PARP16: variants seen among roughly 807,000 people sequenced by gnomAD.
PARP16 encodes the protein poly(ADP-ribose) polymerase family member 16, also known as protein mono-ADP-ribosyltransferase PARP16.
A neutral mutation model predicts 35.0 loss-of-function variants in PARP16; 31 were observed. That is an observed-to-expected ratio of 0.88 (90% CI 0.66 to 1.19). The LOEUF (loss-of-function observed/expected upper bound fraction) is 1.19. Among genes scored for constraint, PARP16 ranks in the 50% most tolerant of loss-of-function variants. The pLI is 0.00. For missense variants in PARP16, 424 were observed against 411.2 expected (o/e 1.03, Z -0.27); for synonymous variants, 162 against 169.5 (o/e 0.96, Z 0.34).
intron 5 of PARP16, 65 bp downstream of exon 5, chr15:65,260,820 T>C: frequency 6.7e-7 from 1 of 1,501,964 alleles, no homozygotes; most frequent in Non-Finnish European, 9.2e-7. Flanking sequence ...GGGAGGCTGA[T>C]ACCTACAACA....
At chr15:65,251,529 C>T (rs542178070) in intron 2 of PARP16, among the ~76,000 whole-genome samples, 23 of 150,974 alleles carry the variant, frequency 1.5e-4, no homozygotes, top group African/African-American at 5.3e-4. Flanking sequence ...TGGCATCAGT[C>T]TGAGACTTTG....
intron 1 of PARP16, chr15:65,285,436 GC>G: frequency 3.4e-6 from 1 of 295,316 alleles, no homozygotes; most frequent in African/African-American, 2.2e-5. Context: ...ACCGAGCCTG[GC>G]CCCTCCAAGT....
At chr15:65,273,403 C>T (rs1354485796) in intron 1 of PARP16, among the ~76,000 whole-genome samples, 1 of 151,678 alleles carries the variant, frequency 6.6e-6, no homozygotes, top group African/African-American at 2.4e-5. Flanking sequence ...GGTGTGGGGG[C>T]TCATGCCTAT....
chr15:65,286,108 C>A, intron 1 of PARP16, 145 bp downstream of exon 1: 1 of 645,652 alleles, frequency 1.5e-6, no homozygotes, highest in East Asian at 3.3e-5. Context: ...GGAAACCTTC[C>A]CCAAGGCAAG....
downstream of PARP16, among the ~76,000 whole-genome samples, chr15:65,233,094 T>C (rs2088799652): frequency 6.6e-6 from 1 of 152,230 alleles, no homozygotes; most frequent in Non-Finnish European, 1.5e-5. Flanking sequence ...AGTATTGTGC[T>C]TATAGTTAAT....
At chr15:65,262,306 A>T (rs571889247) in intron 4 of PARP16, among the ~76,000 whole-genome samples, 3 of 152,026 alleles carry the variant, frequency 2.0e-5, no homozygotes, top group African/African-American at 7.2e-5. Flanking sequence ...CTCATTTTTT[A>T]ATTTTAGTAG....
rs1221581700 is a variant in PARP16, at chr15:65,286,341, G to A, written c.86C>T (p.Ser29Leu). The A allele has an allele frequency of 5.0e-6, 8 of 1,600,048 alleles. No homozygotes were observed. Among genetic ancestry groups the A allele is most frequent in the African/African-American group, 1.4e-5 (1 of 73,652 alleles). The change falls in exon 1 of 6, where the codon TCG becomes TTG. Residue 29 changes from serine to leucine, a missense_variant. By Grantham distance (145) the Ser-to-Leu change is moderately radical. Transcript: ENST00000649807. ...GTCGCGCTTGTAGCTCTGCAGGGCCGAGGCGAAGAGGCTGCACCGGAGGTC... is the reference window on the plus strand; with the variant it reads ...GTCGCGCTTGTAGCTCTGCAGGGCCAAGGCGAAGAGGCTGCACCGGAGGTC... ...AADLRCSLFA[S>L]ALQSYKRDSV...
chr15:65,236,593 G>A (rs1330374844), intron 3 of PARP16, among the ~76,000 whole-genome samples: 1 of 152,252 alleles, frequency 6.6e-6, no homozygotes, highest in Non-Finnish European at 1.5e-5. Flanking sequence ...GGGACAGGAA[G>A]TATGAAACAA....
At chr15:65,235,691 C>T (rs2088860272) in intron 3 of PARP16, among the ~76,000 whole-genome samples, 1 of 150,868 alleles carries the variant, frequency 6.6e-6, no homozygotes, top group African/African-American at 2.4e-5. Flanking sequence ...TGCCTGTAGT[C>T]CCAGCTACTC....
chr15:65,273,647 G>C (rs1469967203), intron 1 of PARP16, among the ~76,000 whole-genome samples: 1 of 152,102 alleles, frequency 6.6e-6, no homozygotes, highest in Non-Finnish European at 1.5e-5. Context: ...GGGAGGCTGG[G>C]GTGGGCGGAT....
chr15:65,262,517 C>T (rs970372375), intron 4 of PARP16, among the ~76,000 whole-genome samples: 2 of 152,128 alleles, frequency 1.3e-5, no homozygotes, highest in Non-Finnish European at 2.9e-5. Flanking sequence ...TGGGGGGAGA[C>T]AAGGCAAATA....
chr15:65,242,881 AT>A (rs1343981758), intron 3 of PARP16, among the ~76,000 whole-genome samples: 1 of 151,580 alleles, frequency 6.6e-6, no homozygotes, highest in Non-Finnish European at 1.5e-5. Flanking sequence ...CTCCTGGCTA[AT>A]TTTTGTATTT....
intron 2 of PARP16, among the ~76,000 whole-genome samples, chr15:65,267,737 A>G (rs1397132210): frequency 3.0e-5 from 3 of 101,496 alleles, no homozygotes; most frequent in African/African-American, 1.2e-4. Context: ...CCCAGGCTGG[A>G]GTGCAGTGAC....
chr15:65,260,111 C>T (rs2140835422), intron 5 of PARP16, among the ~76,000 whole-genome samples: 2 of 152,218 alleles, frequency 1.3e-5, no homozygotes, highest in Middle Eastern at 3.4e-3. Flanking sequence ...ATATACATTT[C>T]CCAAATTTGG....
chr15:65,236,283 C>T (rs992184469), intron 3 of PARP16, among the ~76,000 whole-genome samples: 1 of 152,182 alleles, frequency 6.6e-6, no homozygotes, highest in African/African-American at 2.4e-5. Context: ...TAGAGCCAAA[C>T]ATTAATAAAA....
At chr15:65,249,373 CTCT>C (rs970466025) in intron 2 of PARP16, among the ~76,000 whole-genome samples, 3 of 152,222 alleles carry the variant, frequency 2.0e-5, no homozygotes, top group African/African-American at 7.2e-5. Context: ...TGGGGGCCTC[CTCT>C]TAAGTGACAG....
intron 1 of PARP16, among the ~76,000 whole-genome samples, chr15:65,279,082 G>A (rs1017379486): frequency 2.0e-5 from 3 of 152,174 alleles, no homozygotes; most frequent in South Asian, 4.1e-4. Context: ...CCAGCATGGG[G>A]ACCCTAAAGG....
At chr15:65,246,200 C>A (rs1378641949) in intron 3 of PARP16, among the ~76,000 whole-genome samples, 3 of 152,160 alleles carry the variant, frequency 2.0e-5, no homozygotes, top group African/African-American at 7.2e-5. Flanking sequence ...CTCCCTCAGT[C>A]CCTCCAGGTC....
At chr15:65,235,750 T>C (rs983064921) in intron 3 of PARP16, among the ~76,000 whole-genome samples, 1 of 150,420 alleles carries the variant, frequency 6.6e-6, no homozygotes, top group Non-Finnish European at 1.5e-5. Flanking sequence ...GAGGGGGCAG[T>C]GAGCTGTTTA....
Sources: gnomAD v4.1 joint callset for allele counts (sites outside exome capture counted in the v4.1 genomes callset) on GRCh38, gnomAD v4.1.1 for gene constraint, MANE v1.5 for transcripts, NCBI Gene and HGNC (gene_info 2026-07-23, HGNC 2026-07-21) for gene names.